Variants in SLC29A3 observed in about 807,000 individuals in gnomAD.
SLC29A3 encodes equilibrative nucleoside transporter 3.
In SLC29A3, 18 loss-of-function variants were observed where a neutral mutation model predicts 25.4. The observed-to-expected ratio is 0.71, with a 90% confidence interval of 0.49 to 1.05. SLC29A3 has a LOEUF of 1.05. SLC29A3 is among the 50% of genes least tolerant of loss of function. SLC29A3 has a pLI of 0.00. For synonymous variants in SLC29A3, 258 were observed against 267.1 expected, an observed-to-expected ratio of 0.97 and a Z score of 0.33; for missense variants, 586 against 609.0, an observed-to-expected ratio of 0.96 and a Z score of 0.40.
At chr10:71,329,249 A>C (rs1846061833) in intron 2 of SLC29A3, among the ~76,000 whole-genome samples, 1 of 152,140 alleles carries the variant, frequency 6.6e-6, no homozygotes, top group African/African-American at 2.4e-5. Context: ...TCTCCAAGCT[A>C]TCTGTCTACC....
chr10:71,347,970 C>T (rs777120573), intron 3 of SLC29A3, among the ~76,000 whole-genome samples: 2 of 152,182 alleles, frequency 1.3e-5, no homozygotes, highest in Admixed American at 1.3e-4. Context: ...TTTTCCTGGC[C>T]GTGTCTGTGA....
At chr10:71,332,659 C>T (rs1208788523) in intron 2 of SLC29A3, among the ~76,000 whole-genome samples, 11 of 152,106 alleles carry the variant, frequency 7.2e-5, no homozygotes, top group East Asian at 3.9e-4. Context: ...CTTTGGCTGG[C>T]GTGGATGACT....
At chr10:71,371,631 C>T (rs1847211536) in intron 3 of SLC29A3, among the ~76,000 whole-genome samples, 1 of 152,182 alleles carries the variant, frequency 6.6e-6, no homozygotes, top group South Asian at 2.1e-4. Flanking sequence ...GACTTAGAAG[C>T]CAGACTGCCT....
chr10:71,362,186 G>C lies in SLC29A3; in HGVS notation c.1006G>C (p.Gly336Arg). ...CACCAACATCGAGTCCCTCAACAAG[G>C]GTTCGGGCTCACTGTGGACCACCAA... ...ICTNIESLNK[G>R]SGSLWTTKFF... is the part of the protein sequence containing the mutation. Residue 336 changes from glycine (G) to arginine (R), a missense_variant, in exon 6 of 6, where the codon GGT becomes CGT. Physicochemically the swap from Gly to Arg is moderately radical, Grantham distance 125 (BLOSUM62 -2). Coordinates refer to ENST00000373189, the MANE Select transcript of SLC29A3 (RefSeq NM_018344.6). 1 of 1,613,986 alleles carries C rather than the reference G, an allele frequency of 6.2e-7. No homozygotes were observed. Among genetic ancestry groups the C allele is most frequent in the East Asian group, 2.2e-5 (1 of 44,860 alleles).
At chr10:71,346,346 G>A (rs745825548) in intron 3 of SLC29A3, among the ~76,000 whole-genome samples, 1 of 152,146 alleles carries the variant, frequency 6.6e-6, no homozygotes, top group Non-Finnish European at 1.5e-5. Context: ...CTGTGACCCT[G>A]GTTTGAGATG....
intron 3 of SLC29A3, chr10:71,375,612 T>C (rs944399964): frequency 1.3e-4 from 20 of 152,148 alleles, no homozygotes; most frequent in Middle Eastern, 6.8e-3. Context: ...TATAAGTAAA[T>C]CAACTAAAAA....
intron 2 of SLC29A3, among the ~76,000 whole-genome samples, chr10:71,324,832 T>A (rs945708152): frequency 2.0e-5 from 3 of 151,948 alleles, no homozygotes; most frequent in Non-Finnish European, 4.4e-5. Flanking sequence ...AATCTGACTT[T>A]GAAGGATTCT....
rs1331646081 is a variant in SLC29A3 at position 71,362,713 on chromosome 10, A to T, written c.*105A>T. The T allele has an allele frequency of 6.7e-7, 1 of 1,483,180 alleles. No individual in the cohort carries two copies. Among genetic ancestry groups the T allele is most frequent in the South Asian group, 1.2e-5 (1 of 85,712 alleles). The allele number at this position is 1,483,180 out of a possible 1,614,324, so 91.9% of individuals were successfully genotyped here. ...GAAAGGCCTAAAGTTTCACTTGGGG[A>T]CAGAGAGCAGAGCACACTCGGGCCT... On this transcript the variant is annotated 3_prime_UTR_variant, in exon 6 of 6. Transcript: ENST00000373189.
intron 3 of SLC29A3, among the ~76,000 whole-genome samples, chr10:71,346,105 G>C (rs751402050): frequency 5.3e-5 from 8 of 152,198 alleles, no homozygotes; most frequent in Non-Finnish European, 1.0e-4. Flanking sequence ...TGGAAATCAG[G>C]AGACCACAGG....
intron 3 of SLC29A3, among the ~76,000 whole-genome samples, chr10:71,344,998 A>C (rs574082045): frequency 6.6e-6 from 1 of 152,338 alleles, no homozygotes; most frequent in South Asian, 2.1e-4. Context: ...TGTTTTGCCC[A>C]GTTCTAATCA....
chr10:71,328,946 G>A (rs921023287), intron 2 of SLC29A3, among the ~76,000 whole-genome samples: 4 of 152,202 alleles, frequency 2.6e-5, no homozygotes, highest in African/African-American at 9.6e-5. Flanking sequence ...TGCCCTTGAA[G>A]GGCTGACCTC....
chr10:71,359,493 A>G (rs1166493284), intron 5 of SLC29A3, among the ~76,000 whole-genome samples: 1 of 152,166 alleles, frequency 6.6e-6, no homozygotes, highest in African/African-American at 2.4e-5. Context: ...AATAGAGGGG[A>G]AGTAAGAATA....
downstream of SLC29A3, among the ~76,000 whole-genome samples, chr10:71,368,026 C>T (rs980240788): frequency 1.3e-5 from 2 of 152,086 alleles, no homozygotes; most frequent in African/African-American, 4.8e-5. Flanking sequence ...AGTTCAAGAC[C>T]AGCCTGGACA....
Position 71,363,161 on chromosome 10 carries a change from G to GA in SLC29A3, c.*557dup. The GA allele has an allele frequency of 2.3e-6, 1 of 442,890 alleles. No individual in the cohort carries two copies. Among genetic ancestry groups the GA allele is most frequent in the Non-Finnish European group, 4.5e-6 (1 of 221,192 alleles). 27.4% of individuals were successfully genotyped at this position (442,890 alleles called of 1,614,324 possible). A position where few individuals can be genotyped will look rare whatever the true frequency, so the allele number is the denominator to read the frequency against. On this transcript the variant is annotated 3_prime_UTR_variant, in exon 6 of 6. Transcript: ENST00000373189. The stretch of plus-strand genomic sequence containing the variant: ...GAACAACTGCCCACTAACCAGACTG[G>GA]AAAACCCAGAAAGATGGGCCTTCCA...
rs748802003 is a variant in SLC29A3 at position 71,362,359 on chromosome 10, C to G, written c.1179C>G (p.Phe393Leu). Residue 393 changes from phenylalanine (F) to leucine (L), a missense_variant, in exon 6 of 6, where the codon TTC (phenylalanine) becomes TTG (leucine). Phe to Leu is a conservative substitution (Grantham distance 22). Coordinates refer to ENST00000373189, the MANE Select transcript of SLC29A3 (RefSeq NM_018344.6). ...TCCGGACCTGCCTCATCCCCCTCTT[C>G]GTGCTCTGTAACTACCAGCCCCGCG... ...VLLRTCLIPL[F>L]VLCNYQPRVH... 1 of 1,614,152 alleles carries G rather than the reference C, an allele frequency of 6.2e-7. No individual in the cohort carries two copies. The highest frequency in any genetic ancestry group is 1.7e-5 in the Admixed American group (1 of 60,022).
At chr10:71,328,090 ACCTT>A (rs1464967010) in intron 2 of SLC29A3, among the ~76,000 whole-genome samples, 1 of 152,072 alleles carries the variant, frequency 6.6e-6, no homozygotes, top group East Asian at 1.9e-4. Context: ...CGCTCTCTAC[ACCTT>A]CCTTCCTGTG....
chr10:71,329,765 C>T (rs983544686), intron 2 of SLC29A3, among the ~76,000 whole-genome samples: 30 of 152,144 alleles, frequency 2.0e-4, no homozygotes, highest in Admixed American at 1.3e-4. Context: ...AAAATGTTAC[C>T]ACATAGGGAG....
chr10:71,367,639 C>T (rs113905028), downstream of SLC29A3, among the ~76,000 whole-genome samples: 117 of 152,302 alleles, frequency 7.7e-4, 1 homozygote, highest in Admixed American at 1.4e-3. Context: ...CCTGAGATGG[C>T]GAACTCAACT....
chr10:71,319,453 C>A (rs903125728), intron 1 of SLC29A3, 143 bp downstream of exon 1: 1 of 456,540 alleles, frequency 2.2e-6, no homozygotes, highest in Admixed American at 4.3e-5. Context: ...GTGGTCCCTT[C>A]CCCACCGTCC....
Sources: allele counts gnomAD v4.1 joint callset (sites outside exome capture counted in the v4.1 genomes callset), GRCh38; gene constraint gnomAD v4.1.1; transcripts MANE v1.5; gene names NCBI Gene and HGNC (gene_info 2026-07-23, HGNC 2026-07-21).